RPL27: variants seen among roughly 807,000 people sequenced by gnomAD.
RPL27 encodes ribosomal protein L27, also known as large ribosomal subunit protein eL27.
For missense variants in RPL27, 131 were observed against 174.3 expected, an observed-to-expected ratio of 0.75 and a Z score of 1.40; for synonymous variants, 77 against 61.0, an observed-to-expected ratio of 1.26 and a Z score of -1.22.
chr17:43,002,875 C>T lies in RPL27; in HGVS notation c.366C>T (p.Tyr122=), dbSNP rs531503727. 1.9e-6 allele frequency: 3 copies of T among 1,613,572 alleles called. No homozygotes were observed. The highest frequency in any genetic ancestry group is 1.7e-5 in the Admixed American group (1 of 60,004). Residue 122 remains tyrosine (Y), a synonymous_variant, in exon 5 of 5, where the codon TAC becomes TAT. Transcript: ENST00000253788. ...GTCCTCTTTTTTTCCCTTCTAGATA[C>T]AAGACAGGCAAGAACAAGTGGTTCT... The part of the protein sequence containing the change: ...REAKVKFEER[Y]KTGKNKWFFQ...
chr17:43,000,104 T>TACTCTGTG lies in RPL27; in HGVS notation c.251+2_251+3insACTCTGTG. Reference sequence around the variant, plus strand: ...CTACAATCACCTAATGCCCACAAGGTGAGCATTTCAAGAACTAGAATTTAA... The same window carrying TACTCTGTG: ...CTACAATCACCTAATGCCCACAAGGTACTCTGTGGAGCATTTCAAGAACTAGAATTTAA... On this transcript the variant is annotated splice_region_variant and intron_variant, in intron 3 of 4. Transcript: ENST00000253788. The TACTCTGTG allele has an allele frequency of 6.2e-7, 1 of 1,607,374 alleles. No homozygotes were observed. The highest frequency in any genetic ancestry group is 1.7e-5 in the Admixed American group (1 of 59,966).
chr17:43,002,275 G>A (rs1035087736), intron 3 of RPL27, among the ~76,000 whole-genome samples: 1 of 151,902 alleles, frequency 6.6e-6, no homozygotes, highest in Non-Finnish European at 1.5e-5. Flanking sequence ...GGAGGCCAAG[G>A]CGGGCGGATC....
intron 2 of RPL27, 65 bp downstream of exon 2, chr17:42,998,896 C>T: frequency 7.2e-7 from 1 of 1,385,576 alleles, no homozygotes; most frequent in Non-Finnish European, 1.0e-6. Flanking sequence ...GCGGGGCGGG[C>T]AGGCTTGGAA....
intron 3 of RPL27, among the ~76,000 whole-genome samples, chr17:43,001,419 AG>A (rs2050360505): frequency 1.3e-5 from 2 of 151,348 alleles, no homozygotes; most frequent in African/African-American, 4.9e-5. Flanking sequence ...TGAGGTCAGG[AG>A]TTCGAGACCA....
chr17:42,998,734 C>T lies in RPL27; in HGVS notation c.-2-15C>T. On this transcript the variant is annotated splice_polypyrimidine_tract_variant and intron_variant, in intron 1 of 4. Coordinates refer to ENST00000253788, the MANE Select transcript of RPL27 (RefSeq NM_000988.5). Reference sequence around the variant, plus strand: ...TACGGATTTTTAAGTGGCCCTTTCTCCTTGCTCTCTGCAGAAATGGGCAAG... The same window carrying T: ...TACGGATTTTTAAGTGGCCCTTTCTTCTTGCTCTCTGCAGAAATGGGCAAG... 2 of 1,608,414 alleles carry T rather than the reference C, an allele frequency of 1.2e-6. No homozygotes were observed. The highest frequency in any genetic ancestry group is 8.5e-7 in the Non-Finnish European group (1 of 1,175,282).
rs530791122 is a variant in RPL27, at chr17:43,001,986, C to T, written c.252-687C>T. 3.1e-4 allele frequency among the ~76,000 whole-genome samples: 47 copies of T among 151,322 alleles called. 1 individual carries two copies. The highest frequency in any genetic ancestry group is 1.2e-3 in the East Asian group (6 of 5,102). ...GGCGCCTGTAGTAGTCCCAGCTACTCGCAAGGCTGAGGCAGGAGAAGGGCG... is the reference window on the plus strand; with the variant it reads ...GGCGCCTGTAGTAGTCCCAGCTACTTGCAAGGCTGAGGCAGGAGAAGGGCG... On this transcript the variant is annotated intron_variant, in intron 3 of 4. Transcript: ENST00000253788.
chr17:43,002,745 C>T lies in RPL27; in HGVS notation c.324C>T (p.Arg108=). The part of the protein sequence containing the change: ...KDVFRDPALK[R]KARREAKVKF... The stretch of plus-strand genomic sequence containing the variant: ...TCTTCAGAGATCCTGCTCTTAAACG[C>T]AAGGCCCGACGGGAGGCCAAGGTCA... Residue 108 remains arginine (R), a synonymous_variant, in exon 4 of 5, where the codon CGC becomes CGT. Transcript: ENST00000253788. 6.2e-7 allele frequency: 1 copy of T among 1,613,924 alleles called. No homozygotes were observed. Among genetic ancestry groups the T allele is most frequent in the Non-Finnish European group, 8.5e-7 (1 of 1,179,838 alleles).
rs149171559 is a variant in RPL27, at chr17:43,002,248, A to G, written c.252-425A>G. 0.013 allele frequency among the ~76,000 whole-genome samples: 1,931 copies of G among 149,066 alleles called. 117 individuals carry two copies. In the East Asian group the frequency reaches 0.19, roughly 15 times the overall value. On this transcript the variant is annotated intron_variant, in intron 3 of 4. Transcript: ENST00000253788. ...AGGCCGGATGCGGTGACTCACGCCT[A>G]TAATCCCAGCATTTTGGGAGGCCAA... is the stretch of plus-strand genomic sequence containing the variant.
At chr17:43,002,390 C>T (rs1321449944) in intron 3 of RPL27, among the ~76,000 whole-genome samples, 2 of 151,878 alleles carry the variant, frequency 1.3e-5, no homozygotes, top group Non-Finnish European at 2.9e-5. Flanking sequence ...ACCTGTAGTC[C>T]CAGCTACTCG....
chr17:43,002,131 GAA>G (rs968734958), intron 3 of RPL27, among the ~76,000 whole-genome samples: 8 of 151,722 alleles, frequency 5.3e-5, no homozygotes, highest in African/African-American at 1.9e-4. Flanking sequence ...TTCTTAGCTA[GAA>G]AAATAAAGTA....
At chr17:42,999,847 A>T in intron 2 of RPL27, 86 bp from the exon 3 acceptor site, 1 of 1,065,968 alleles carries the variant, frequency 9.4e-7, no homozygotes, top group South Asian at 1.4e-5. Flanking sequence ...CTGAGGGTGG[A>T]AATATTTTTT....
intron 3 of RPL27, among the ~76,000 whole-genome samples, chr17:43,002,168 A>T (rs550676811): frequency 6.6e-6 from 1 of 151,900 alleles, no homozygotes; most frequent in South Asian, 2.1e-4. Flanking sequence ...AGAATGAAAC[A>T]TTGAATTTTA....
At chr17:43,000,160 GAC>G in intron 3 of RPL27, 58 bp downstream of exon 3, 1 of 1,312,390 alleles carries the variant, frequency 7.6e-7, no homozygotes, top group Non-Finnish European at 1.1e-6. Flanking sequence ...TGAATAATGA[GAC>G]AGACCTTGCA....
chr17:43,000,857 C>A (rs908582526), intron 3 of RPL27, among the ~76,000 whole-genome samples: 13 of 145,458 alleles, frequency 8.9e-5, no homozygotes, highest in South Asian at 2.2e-4. Context: ...GAGTTTGAGA[C>A]TAGCCTGACC....
chr17:43,002,830 C>G (rs1407783989), intron 4 of RPL27, 42 bp from the exon 5 acceptor site: 1 of 1,605,684 alleles, frequency 6.2e-7, no homozygotes, highest in South Asian at 1.1e-5. Flanking sequence ...TTCACTATTT[C>G]CATTCCTTTC....
At chr17:43,001,948 A>G (rs690936) in intron 3 of RPL27, among the ~76,000 whole-genome samples, 151,026 of 151,104 alleles carry the variant, frequency 1, 75,477 homozygotes, top group Middle Eastern at 1. Flanking sequence ...AAAATTAGCC[A>G]GGCATGGTGG....
chr17:42,998,587 G>C (rs1010261068), intron 1 of RPL27, 116 bp downstream of exon 1: 5 of 554,088 alleles, frequency 9.0e-6, no homozygotes, highest in Admixed American at 3.5e-5. Flanking sequence ...CTACGTATCC[G>C]ATCCTGTCCT....
At chr17:42,999,098 C>T (rs1034452326) in intron 2 of RPL27, 31 of 435,868 alleles carry the variant, frequency 7.1e-5, no homozygotes, top group Non-Finnish European at 1.7e-5. Context: ...CTATGTGCTC[C>T]CACTGCCTTT....
intron 3 of RPL27, 55 bp from the exon 4 acceptor site, chr17:43,002,618 T>C: frequency 1.9e-6 from 2 of 1,028,848 alleles, no homozygotes; most frequent in South Asian, 1.3e-5. Context: ...ATTTGGGCTG[T>C]ATAGGGGCCC....
Sources: allele counts gnomAD v4.1 joint callset (sites outside exome capture counted in the v4.1 genomes callset), GRCh38; gene constraint gnomAD v4.1.1; transcripts MANE v1.5; gene names NCBI Gene and HGNC (gene_info 2026-07-23, HGNC 2026-07-21).